Variants in STAG1 observed in about 807,000 individuals in gnomAD.
STAG1 encodes the protein cohesin subunit SA-1.
Under a neutral mutation model 170.9 loss-of-function variants are expected in STAG1, and 26 were observed. The observed-to-expected ratio is 0.15, with a 90% CI of 0.11 to 0.21. The LOEUF (loss-of-function observed/expected upper bound fraction) is 0.21, where lower values mean the gene tolerates loss of function less well. Among genes scored for constraint, STAG1 ranks in the 10% least tolerant of loss-of-function variants. The probability of loss-of-function intolerance (pLI) is 1.00; values close to 1 mark genes in which losing one functional copy is unlikely to be tolerated. For missense variants in STAG1, 964 were observed against 1,509.5 expected (o/e 0.64, Z 5.99); for synonymous variants, 514 against 497.7 (o/e 1.03, Z -0.44).
At chr3:136,614,958 G>A (rs1264806516) in intron 3 of STAG1, among the ~76,000 whole-genome samples, 5 of 152,004 alleles carry the variant, frequency 3.3e-5, no homozygotes, top group South Asian at 2.1e-4. Flanking sequence ...AGATAAATAC[G>A]TGCAATATAA....
intron 1 of STAG1, among the ~76,000 whole-genome samples, chr3:136,660,480 A>G (rs1350970850): frequency 4.6e-5 from 7 of 151,856 alleles, no homozygotes; most frequent in South Asian, 2.1e-4. Context: ...TTTTCACGAG[A>G]AAAAAAACTA....
At chr3:136,526,256 TTTC>T (rs1935021164) in intron 6 of STAG1, among the ~76,000 whole-genome samples, 3 of 152,232 alleles carry the variant, frequency 2.0e-5, no homozygotes, top group African/African-American at 7.2e-5. Context: ...CTCTAAGGAC[TTTC>T]CTTATGAATC....
intron 1 of STAG1, among the ~76,000 whole-genome samples, chr3:136,681,499 G>A (rs932850762): frequency 1.3e-5 from 2 of 152,044 alleles, no homozygotes; most frequent in African/African-American, 2.4e-5. Context: ...AGTATACAAG[G>A]CATGAGGTTA....
intron 1 of STAG1, among the ~76,000 whole-genome samples, chr3:136,682,138 G>T (rs1429796100): frequency 6.6e-6 from 1 of 152,058 alleles, no homozygotes; most frequent in African/African-American, 2.4e-5. Context: ...GAAATCTACA[G>T]ATTTCTCTAA....
chr3:136,495,284 A>G (rs1398369550), intron 9 of STAG1, among the ~76,000 whole-genome samples: 1 of 152,234 alleles, frequency 6.6e-6, no homozygotes, highest in Non-Finnish European at 1.5e-5. Flanking sequence ...ATCTACAAAA[A>G]TTGAATTAAA....
chr3:136,366,258 G>A (rs928606596), intron 25 of STAG1, among the ~76,000 whole-genome samples: 1 of 152,036 alleles, frequency 6.6e-6, no homozygotes, highest in African/African-American at 2.4e-5. Flanking sequence ...ATCACAGGGG[G>A]ATTAGAAAGA....
At chr3:136,746,531 C>G (rs1934942519) in intron 1 of STAG1, among the ~76,000 whole-genome samples, 2 of 152,152 alleles carry the variant, frequency 1.3e-5, no homozygotes, top group Non-Finnish European at 2.9e-5. Flanking sequence ...CTTGGCTAAC[C>G]TGTCTTAATT....
At chr3:136,438,030 T>G (rs2088508320) in intron 15 of STAG1, among the ~76,000 whole-genome samples, 1 of 152,214 alleles carries the variant, frequency 6.6e-6, no homozygotes, top group South Asian at 2.1e-4. Context: ...TAGGATGAGA[T>G]AAGTTCACTT....
chr3:136,692,586 G>A (rs1017004088), intron 1 of STAG1, among the ~76,000 whole-genome samples: 2 of 151,934 alleles, frequency 1.3e-5, no homozygotes, highest in Non-Finnish European at 2.9e-5. Flanking sequence ...AGCAAGCCAA[G>A]ATCGTGCCAC....
chr3:136,563,886 G>C (rs1049871732), intron 5 of STAG1, among the ~76,000 whole-genome samples: 1 of 152,092 alleles, frequency 6.6e-6, no homozygotes, highest in African/African-American at 2.4e-5. Flanking sequence ...AGCTGGGCAT[G>C]GTGGTGCGTG....
chr3:136,499,888 T>C (rs1321436613), intron 9 of STAG1: 1 of 172,794 alleles, frequency 5.8e-6, no homozygotes, highest in African/African-American at 2.4e-5. Flanking sequence ...GAGCAAGAAG[T>C]AGGGCACTTA....
chr3:136,377,970 T>C (rs1230332899), intron 22 of STAG1, among the ~76,000 whole-genome samples: 1 of 152,238 alleles, frequency 6.6e-6, no homozygotes, highest in Non-Finnish European at 1.5e-5. Flanking sequence ...TATAGTTAGC[T>C]ATGGAATACT....
intron 1 of STAG1, among the ~76,000 whole-genome samples, chr3:136,662,537 A>G (rs1941615618): frequency 6.6e-6 from 1 of 152,010 alleles, no homozygotes. Flanking sequence ...TCAACCTCCC[A>G]GGCTCAAGTG....
intron 4 of STAG1, among the ~76,000 whole-genome samples, chr3:136,578,588 G>T (rs1937527305): frequency 6.6e-6 from 1 of 152,072 alleles, no homozygotes; most frequent in African/African-American, 2.4e-5. Context: ...TTTCCCAAAG[G>T]GACCTGTAGC....
In STAG1 at chr3:136,477,343, A is replaced by T; in HGVS notation, c.972T>A (p.Asp324Glu). ...EIGVWMKMYS[D>E]AFLNDSYLKY... ...TTAGGTAACTGTCATTTAGGAAGGC[A>T]TCACTATACATTTTCATCCATACTC... Residue 324 changes from aspartate (D) to glutamate (E), a missense_variant, in exon 10 of 34, where the codon GAT becomes GAA. Asp to Glu is a conservative substitution (Grantham distance 45, BLOSUM62 2). Transcript: ENST00000383202. The T allele has an allele frequency of 6.2e-7, 1 of 1,613,290 alleles. No individual in the cohort carries two copies. Among genetic ancestry groups the T allele is most frequent in the African/African-American group, 1.3e-5 (1 of 75,020 alleles).
At chr3:136,679,792 C>T (rs1440865047) in intron 1 of STAG1, among the ~76,000 whole-genome samples, 2 of 150,090 alleles carry the variant, frequency 1.3e-5, no homozygotes, top group African/African-American at 4.9e-5. Context: ...ATTCCAGCTA[C>T]TCAGGTGGCT....
intron 21 of STAG1, among the ~76,000 whole-genome samples, chr3:136,405,755 C>A (rs1249714900): frequency 8.4e-6 from 1 of 119,054 alleles, no homozygotes; most frequent in African/African-American, 3.2e-5. Flanking sequence ...TGTGCCACTG[C>A]GCTCCAGCCT....
chr3:136,720,911 C>T (rs1576808834), intron 1 of STAG1, among the ~76,000 whole-genome samples: 1 of 152,224 alleles, frequency 6.6e-6, no homozygotes, highest in Admixed American at 6.5e-5. Context: ...AGCTCATTTG[C>T]TAGCCAATAT....
At chr3:136,547,507 C>T (rs1255466045) in intron 5 of STAG1, among the ~76,000 whole-genome samples, 1 of 152,154 alleles carries the variant, frequency 6.6e-6, no homozygotes, top group African/African-American at 2.4e-5. Context: ...TCCCCCTCCC[C>T]CTGGCAATCA....
Sources: gnomAD v4.1 joint callset for allele counts (sites outside exome capture counted in the v4.1 genomes callset) on GRCh38, gnomAD v4.1.1 for gene constraint, MANE v1.5 for transcripts, NCBI Gene and HGNC (gene_info 2026-07-23, HGNC 2026-07-21) for gene names.